Variants in TRAPPC9 observed in about 807,000 individuals in gnomAD.
TRAPPC9 encodes the protein trafficking protein particle complex subunit 9, also known as IKK2 binding protein.
Under a neutral mutation model 124.0 loss-of-function variants are expected in TRAPPC9, and 83 were observed. The observed-to-expected ratio is 0.67, with a 90% CI of 0.56 to 0.80. The LOEUF (loss-of-function observed/expected upper bound fraction) is 0.80, where lower values mean the gene tolerates loss of function less well. Ranked by LOEUF, TRAPPC9 falls within the 30% of genes least tolerant of loss-of-function variation. The pLI, the probability that TRAPPC9 is intolerant of heterozygous loss-of-function variation, is 0.00. For missense variants in TRAPPC9, 1,302 were observed against 1,508.3 expected, an observed-to-expected ratio of 0.86 and a Z score of 2.27; for synonymous variants, 638 against 617.5, an observed-to-expected ratio of 1.03 and a Z score of -0.49.
intron 17 of TRAPPC9, among the ~76,000 whole-genome samples, chr8:140,061,453 G>A (rs760503347): frequency 2.0e-5 from 3 of 152,154 alleles, no homozygotes; most frequent in Non-Finnish European, 2.9e-5. Flanking sequence ...CAAGGAGCCC[G>A]CAGTCAAGCA....
chr8:140,111,690 A>C (rs1349558584), intron 17 of TRAPPC9, among the ~76,000 whole-genome samples: 1 of 152,250 alleles, frequency 6.6e-6, no homozygotes, highest in Non-Finnish European at 1.5e-5. Context: ...GACAACATAG[A>C]ACTTTCCTTC....
intron 17 of TRAPPC9, among the ~76,000 whole-genome samples, chr8:140,136,647 G>T (rs1355875553): frequency 2.0e-5 from 3 of 152,184 alleles, no homozygotes; most frequent in African/African-American, 4.8e-5. Flanking sequence ...AGACCAGCCT[G>T]GCCAATACGG....
chr8:140,046,559 G>GT (rs1378520544), intron 17 of TRAPPC9, among the ~76,000 whole-genome samples: 1 of 152,184 alleles, frequency 6.6e-6, no homozygotes, highest in Non-Finnish European at 1.5e-5. Context: ...CTTCTGCAAT[G>GT]TTTCTCCTCC....
rs556989866 is a variant in TRAPPC9, at chr8:139,857,653, A to C, written c.3055+28226T>G. ...GCCCTCTGAGAGTCAGGAGCTGAGCATGGGGCCGTCTGACCACCTCTGCCT... is the reference window on the plus strand; with the variant it reads ...GCCCTCTGAGAGTCAGGAGCTGAGCCTGGGGCCGTCTGACCACCTCTGCCT... On this transcript the variant is annotated intron_variant, in intron 21 of 22. Coordinates refer to ENST00000438773, the MANE Select transcript of TRAPPC9 (RefSeq NM_001160372.4). Among the ~76,000 whole-genome samples the C allele has an allele frequency of 1.2e-4, 19 of 152,330 alleles. No individual in the cohort carries two copies. The East Asian group carries it at 3.5e-3, about 28-fold the overall frequency.
intron 21 of TRAPPC9, among the ~76,000 whole-genome samples, chr8:139,873,091 G>A (rs934338264): frequency 1.3e-5 from 2 of 152,184 alleles, no homozygotes; most frequent in Non-Finnish European, 2.9e-5. Flanking sequence ...TGGATGAGTG[G>A]GTTGGTGGGT....
chr8:140,206,858 C>T (rs897822708), intron 17 of TRAPPC9, among the ~76,000 whole-genome samples: 1 of 152,026 alleles, frequency 6.6e-6, no homozygotes, highest in African/African-American at 2.4e-5. Flanking sequence ...CGCCTTTTTG[C>T]CTGCCTCCTT....
chr8:139,757,249 A>T lies in TRAPPC9; in HGVS notation c.3056-25047T>A, dbSNP rs1268701257. Among the ~76,000 whole-genome samples the T allele has an allele frequency of 6.9e-3, 517 of 74,828 alleles. 10 individuals are homozygous for T. Among genetic ancestry groups the T allele is most frequent in the African/African-American group, 0.028 (485 of 17,552 alleles). 49.1% of individuals were successfully genotyped at this position (74,828 alleles called of 152,430 possible). On this transcript the variant is annotated intron_variant, in intron 21 of 22. Transcript: ENST00000438773. ...CAGCATGTCGCAGGAGGAGCCAGGG[A>T]TGGGGTATAAGGACAGCAGGTTGCA... is the stretch of plus-strand genomic sequence containing the variant.
At chr8:140,408,337 A>AT (rs1231391337) in intron 5 of TRAPPC9, among the ~76,000 whole-genome samples, 1 of 152,182 alleles carries the variant, frequency 6.6e-6, no homozygotes, top group African/African-American at 2.4e-5. Flanking sequence ...GTATCAGCCC[A>AT]ACAATGCTTT....
intron 16 of TRAPPC9, among the ~76,000 whole-genome samples, chr8:140,231,481 CTTTTTTTTTTTTT>C (rs71320347): frequency 8.8e-5 from 5 of 56,956 alleles, no homozygotes; most frequent in African/African-American, 1.5e-4. Context: ...ACTGCCTTTT[CTTTTTTTTTTTTT>C]TTTTTTTTTT....
At position 139,950,956 on chromosome 8, in the gene TRAPPC9, G is replaced by A. The variant is rs141171738; in HGVS notation, c.2810+37770C>T. ...CAGCCAAACAAATGAACTATAAAAG[G>A]GTGAGGTGAGTCAACCGAGGACAAC... is the stretch of plus-strand genomic sequence containing the variant. On this transcript the variant is annotated intron_variant, in intron 19 of 22. Transcript: ENST00000438773. 3.8e-3 allele frequency among the ~76,000 whole-genome samples: 576 copies of A among 152,272 alleles called. 2 individuals are homozygous for A. Among genetic ancestry groups the A allele is most frequent in the African/African-American group, 0.013 (540 of 41,560 alleles).
intron 17 of TRAPPC9, among the ~76,000 whole-genome samples, chr8:140,123,068 G>C (rs1490629269): frequency 6.6e-6 from 1 of 152,166 alleles, no homozygotes; most frequent in African/African-American, 2.4e-5. Flanking sequence ...ATGTCACACA[G>C]ATACCTCAAA....
In TRAPPC9 at chr8:140,346,339, A is replaced by G. The variant is rs78564494; in HGVS notation, c.1495+13711T>C. On this transcript the variant is annotated intron_variant, in intron 9 of 22. Coordinates refer to ENST00000438773, the MANE Select transcript of TRAPPC9 (RefSeq NM_001160372.4). ...TGGGATTACGCACAGTACCCAACTT[A>G]CGCGAGATGATCCACAAATACCTGC... 9.3e-4 allele frequency among the ~76,000 whole-genome samples: 142 copies of G among 152,246 alleles called. 1 individual carries two copies. Among genetic ancestry groups the G allele is most frequent in the South Asian group, 8.3e-3 (40 of 4,826 alleles).
intron 18 of TRAPPC9, among the ~76,000 whole-genome samples, chr8:140,006,410 ATGG>A (rs1838754106): frequency 6.6e-6 from 1 of 152,214 alleles, no homozygotes; most frequent in South Asian, 2.1e-4. Context: ...GGAATGTAAA[ATGG>A]TGCAACCACT....
intron 13 of TRAPPC9, 141 bp from the exon 14 acceptor site, chr8:140,284,162 C>T (rs997395869): frequency 3.9e-6 from 4 of 1,031,008 alleles, no homozygotes; most frequent in Non-Finnish European, 6.0e-6. Context: ...GGCGCTCACC[C>T]ACACTCCCGC....
chr8:140,032,482 C>T (rs1840559692), intron 17 of TRAPPC9, among the ~76,000 whole-genome samples: 1 of 151,932 alleles, frequency 6.6e-6, no homozygotes, highest in Non-Finnish European at 1.5e-5. Context: ...CCTTTGTATG[C>T]CTTATTGTTT....
At chr8:139,830,095 C>T (rs1379566749) in intron 21 of TRAPPC9, among the ~76,000 whole-genome samples, 1 of 152,230 alleles carries the variant, frequency 6.6e-6, no homozygotes. Flanking sequence ...AGAAATGCAC[C>T]TACAGAGCTA....
chr8:140,001,738 T>C (rs185750487), intron 18 of TRAPPC9, among the ~76,000 whole-genome samples: 77 of 152,042 alleles, frequency 5.1e-4, no homozygotes, highest in Non-Finnish European at 9.9e-4. Context: ...AGTCACAAAC[T>C]ACAAAAATCC....
chr8:140,322,679 T>C (rs766360062), intron 9 of TRAPPC9, among the ~76,000 whole-genome samples: 13 of 147,146 alleles, frequency 8.8e-5, no homozygotes, highest in Non-Finnish European at 1.5e-4. Flanking sequence ...AAAAAAAAAA[T>C]GTAAAAATTA....
intron 15 of TRAPPC9, among the ~76,000 whole-genome samples, chr8:140,254,418 C>T (rs1042015405): frequency 6.6e-6 from 1 of 152,240 alleles, no homozygotes; most frequent in Non-Finnish European, 1.5e-5. Flanking sequence ...CTGAGTGCAG[C>T]CCACATGGCC....
Sources: gnomAD v4.1 joint callset for allele counts (sites outside exome capture counted in the v4.1 genomes callset) on GRCh38, gnomAD v4.1.1 for gene constraint, MANE v1.5 for transcripts, NCBI Gene and HGNC (gene_info 2026-07-23, HGNC 2026-07-21) for gene names.